DCT: variants seen among roughly 807,000 people sequenced by gnomAD.
The protein encoded by DCT is dopachrome tautomerase, also known as L-dopachrome tautomerase.
Under a neutral mutation model 53.0 loss-of-function variants are expected in DCT, and 47 were observed. The ratio of observed to expected loss-of-function variants is 0.89; its 90% CI spans 0.70 to 1.13. The LOEUF (loss-of-function observed/expected upper bound fraction) is 1.13, where lower values mean the gene tolerates loss of function less well. Among genes scored for constraint, DCT ranks in the 50% most tolerant of loss-of-function variants. The pLI is 0.00. For synonymous variants in DCT, 244 were observed against 237.0 expected, an observed-to-expected ratio of 1.03 and a Z score of -0.27; for missense variants, 669 against 637.4, an observed-to-expected ratio of 1.05 and a Z score of -0.53.
rs769271753 is a variant in DCT at position 94,465,740 on chromosome 13, G to A, written c.756C>T (p.Asn252=). 2.1e-5 allele frequency: 34 copies of A among 1,612,154 alleles called. 1 individual carries two copies. Among genetic ancestry groups the A allele is most frequent in the Middle Eastern group, 1.6e-4 (1 of 6,082 alleles). The change falls in exon 4 of 8, where the codon AAC becomes AAT. Residue 252 remains asparagine (N), a synonymous_variant. Coordinates refer to ENST00000377028, the MANE Select transcript of DCT (RefSeq NM_001922.5). Reference sequence around the variant, plus strand: ...GCTGGTCTGTACACACATCACACTCGTTCCTCCCAGTGGCAAAGTTCCAGT... The same window carrying A: ...GCTGGTCTGTACACACATCACACTCATTCCTCCCAGTGGCAAAGTTCCAGT... The part of the protein sequence containing the change: ...LPYWNFATGR[N]ECDVCTDQLF...
the DCT span, among the ~76,000 whole-genome samples, chr13:94,498,462 C>A: frequency 6.6e-6 from 1 of 152,148 alleles, no homozygotes; most frequent in Non-Finnish European, 1.5e-5. Flanking sequence ...AAGGGTGGAG[C>A]CCTCATGAAT....
rs1208411663 is a variant in DCT at position 94,437,236 on chromosome 13, C to T, written c.*2662G>A. 2.0e-5 allele frequency: 3 copies of T among 152,142 alleles called. No homozygotes were observed. The highest frequency in any genetic ancestry group is 4.4e-5 in the Non-Finnish European group (3 of 68,028). The allele number at this position is 152,142 out of a possible 1,614,324, so 9.4% of individuals were successfully genotyped here. The stretch of plus-strand genomic sequence containing the variant: ...ATGTATATATATTTCAATATACATG[C>T]TGAGTGCCCAAAAGATGGGAATTGA... On this transcript the variant is annotated 3_prime_UTR_variant, in exon 8 of 8. Coordinates refer to ENST00000377028, the MANE Select transcript of DCT (RefSeq NM_001922.5).
At position 94,438,783 on chromosome 13, in the gene DCT, A is replaced by G; in HGVS notation, c.*1115T>C. ...TATAACCACTTAATTCTGAATTGTC[A>G]TGTTTTGTACAGATGGTTTGCTTTC... On this transcript the variant is annotated 3_prime_UTR_variant, in exon 8 of 8. Transcript: ENST00000377028. 2.6e-6 allele frequency: 1 copy of G among 391,886 alleles called. No individual in the cohort carries two copies. The highest frequency in any genetic ancestry group is 2.0e-5 in the South Asian group (1 of 51,184). The allele number at this position is 391,886 out of a possible 1,614,324, so 24.3% of individuals were successfully genotyped here.
At chr13:94,446,865 T>A (rs746742993) in intron 6 of DCT, among the ~76,000 whole-genome samples, 1 of 152,132 alleles carries the variant, frequency 6.6e-6, no homozygotes, top group Non-Finnish European at 1.5e-5. Context: ...TTTTCCCTTT[T>A]TATAGGGACA....
chr13:94,482,912 A>G (rs552616936), upstream of DCT, among the ~76,000 whole-genome samples: 172 of 152,322 alleles, frequency 1.1e-3, no homozygotes, highest in Non-Finnish European at 1.9e-3. Flanking sequence ...CCAACAAAAT[A>G]TCACTAGTGA....
In DCT at chr13:94,438,860, C is replaced by T. The variant is rs1039808774; in HGVS notation, c.*1038G>A. ...TTCATAAGTAACTGTGAGTATTCGG[C>T]AACATTAATCAATCTAACATCAATG... On this transcript the variant is annotated 3_prime_UTR_variant, in exon 8 of 8. Coordinates refer to ENST00000377028, the MANE Select transcript of DCT (RefSeq NM_001922.5). 4 of 304,228 alleles carry T rather than the reference C, an allele frequency of 1.3e-5. No individual in the cohort carries two copies. The highest frequency in any genetic ancestry group is 8.9e-5 in the African/African-American group (4 of 45,024). 18.8% of individuals were successfully genotyped at this position (304,228 alleles called of 1,614,324 possible).
Position 94,456,971 on chromosome 13 carries a change from A to G in DCT, c.1179+3120T>C, listed in dbSNP as rs115614271. Among the ~76,000 whole-genome samples, 1,374 of 152,336 alleles carry G rather than the reference A, an allele frequency of 9.0e-3. 22 individuals carry two copies. Among genetic ancestry groups the G allele is most frequent in the African/African-American group, 0.032 (1,315 of 41,582 alleles). On this transcript the variant is annotated intron_variant, in intron 6 of 7. Coordinates refer to ENST00000377028, the MANE Select transcript of DCT (RefSeq NM_001922.5). ...ATGGCAAAACCTTGTCTCTACTCAA[A>G]ATACAAACATTAGCCAGGCGCAGTG...
chr13:94,528,711 C>A, the DCT span, among the ~76,000 whole-genome samples: 1 of 152,242 alleles, frequency 6.6e-6, no homozygotes, highest in Non-Finnish European at 1.5e-5. Context: ...AGAGCATCGA[C>A]ACTATGAAGA....
the DCT span, among the ~76,000 whole-genome samples, chr13:94,499,589 A>C: frequency 6.6e-6 from 1 of 152,192 alleles, no homozygotes; most frequent in Admixed American, 6.5e-5. Context: ...TAGATGGCCT[A>C]ATTTTAAACA....
chr13:94,511,161 C>T, the DCT span, among the ~76,000 whole-genome samples: 1 of 152,110 alleles, frequency 6.6e-6, no homozygotes, highest in Non-Finnish European at 1.5e-5. Flanking sequence ...TCTATCAGGC[C>T]TTTCTTGATA....
chr13:94,477,121 G>C (rs1309905841), intron 1 of DCT, among the ~76,000 whole-genome samples: 1 of 151,900 alleles, frequency 6.6e-6, no homozygotes, highest in Non-Finnish European at 1.5e-5. Context: ...TTTTGAGACA[G>C]ATCTCACTCT....
the DCT span, among the ~76,000 whole-genome samples, chr13:94,539,383 G>T: frequency 6.6e-6 from 1 of 152,168 alleles, no homozygotes; most frequent in African/African-American, 2.4e-5. Flanking sequence ...AATAAGATAT[G>T]AAATAAACAG....
chr13:94,477,557 G>A (rs1440280789), intron 1 of DCT, among the ~76,000 whole-genome samples: 2 of 152,188 alleles, frequency 1.3e-5, no homozygotes, highest in African/African-American at 4.8e-5. Context: ...CTACCTGGGT[G>A]ACAGGATCAA....
intron 4 of DCT, 140 bp from the exon 5 acceptor site, chr13:94,462,329 G>A (rs966370082): frequency 2.2e-5 from 14 of 650,232 alleles, no homozygotes; most frequent in African/African-American, 7.4e-5. Flanking sequence ...GCAAAGCCCC[G>A]GCTCTACTAA....
chr13:94,544,532 T>C, the DCT span, among the ~76,000 whole-genome samples: 42 of 152,360 alleles, frequency 2.8e-4, no homozygotes, highest in Non-Finnish European at 5.6e-4. Flanking sequence ...TTGCTCAGCC[T>C]GTCCAGCTTT....
upstream of DCT, among the ~76,000 whole-genome samples, chr13:94,480,889 T>C (rs1376439450): frequency 2.6e-5 from 4 of 152,356 alleles, no homozygotes; most frequent in Middle Eastern, 3.4e-3. Context: ...CTGTAACAAA[T>C]GACCACAAAC....
intron 1 of DCT, among the ~76,000 whole-genome samples, chr13:94,477,797 T>C (rs1169004792): frequency 6.6e-6 from 1 of 152,184 alleles, no homozygotes; most frequent in Non-Finnish European, 1.5e-5. Flanking sequence ...AGAAGAGAAG[T>C]AAAAAGTATT....
the DCT span, among the ~76,000 whole-genome samples, chr13:94,535,139 T>G: frequency 6.6e-6 from 1 of 152,232 alleles, no homozygotes; most frequent in Non-Finnish European, 1.5e-5. Flanking sequence ...CTGGCCTTAC[T>G]TGAGAAATTT....
chr13:94,525,907 C>T, the DCT span, among the ~76,000 whole-genome samples: 2 of 152,192 alleles, frequency 1.3e-5, no homozygotes. Context: ...GATGACCACA[C>T]AAATGTTTGG....
Sources: gnomAD v4.1 joint callset for allele counts (sites outside exome capture counted in the v4.1 genomes callset) on GRCh38, gnomAD v4.1.1 for gene constraint, MANE v1.5 for transcripts, NCBI Gene and HGNC (gene_info 2026-07-23, HGNC 2026-07-21) for gene names.